RSF1: variants seen among roughly 807,000 people sequenced by gnomAD.
RSF1 encodes HBV pX-associated protein 8.
A neutral mutation model predicts 145.2 loss-of-function variants in RSF1; 13 were observed. That is an observed-to-expected ratio of 0.09 (90% CI 0.06 to 0.14). RSF1 has a LOEUF of 0.14. Ranked by LOEUF, RSF1 falls within the 10% of genes least tolerant of loss-of-function variation. The pLI is 1.00. For missense variants in RSF1, 1,517 were observed against 1,718.2 expected (o/e 0.88, Z 2.07); for synonymous variants, 577 against 592.6 (o/e 0.97, Z 0.38).
chr11:77,787,184 CA>C (rs1188397950), intron 1 of RSF1, among the ~76,000 whole-genome samples: 1 of 152,098 alleles, frequency 6.6e-6, no homozygotes, highest in Non-Finnish European at 1.5e-5. Flanking sequence ...AAGGGAATAG[CA>C]CCCAACACCC....
intron 7 of RSF1, 78 bp downstream of exon 7, chr11:77,698,409 C>A: frequency 1.7e-6 from 2 of 1,147,574 alleles, no homozygotes; most frequent in Admixed American, 1.8e-5. Context: ...AATGATAAAA[C>A]CCAGAAGAGT....
At chr11:77,709,859 T>C (rs1960637750) in intron 5 of RSF1, among the ~76,000 whole-genome samples, 2 of 152,068 alleles carry the variant, frequency 1.3e-5, no homozygotes, top group South Asian at 4.2e-4. Context: ...GCAAGAGTCA[T>C]CACGCCAGGC....
chr11:77,832,799 C>T, the RSF1 span, among the ~76,000 whole-genome samples: 1 of 151,482 alleles, frequency 6.6e-6, no homozygotes, highest in Non-Finnish European at 1.5e-5. Context: ...AAGAAGAATT[C>T]AGTCCATTTG....
At chr11:77,672,318 AG>A in intron 14 of RSF1, 88 bp from the exon 15 acceptor site, 2 of 1,028,610 alleles carry the variant, frequency 1.9e-6, no homozygotes, top group Non-Finnish European at 2.8e-6. Flanking sequence ...GCTACCAAGC[AG>A]AGTTCAGTCA....
the RSF1 span, among the ~76,000 whole-genome samples, chr11:77,853,448 C>T: frequency 6.6e-6 from 1 of 151,974 alleles, no homozygotes; most frequent in South Asian, 2.1e-4. Flanking sequence ...TACTTTTAAA[C>T]AACCAGAACT....
In RSF1 at chr11:77,701,293, CTTT is replaced by C. The variant is rs1249799674; in HGVS notation, c.1933_1935del (p.Lys645del). 3.1e-6 allele frequency: 5 copies of C among 1,614,070 alleles called. No individual in the cohort carries two copies. The highest frequency in any genetic ancestry group is 4.2e-6 in the Non-Finnish European group (5 of 1,180,014). On this transcript the variant is annotated inframe_deletion, in exon 6 of 16. Transcript: ENST00000308488. ...CTTGTACTCTGGCATTCTACCACTTCTTTTTCTGAGGCTAGTTTCTCACAGTGG... is the reference window on the plus strand; with the variant it reads ...CTTGTACTCTGGCATTCTACCACTTCTTCTGAGGCTAGTTTCTCACAGTGG...
intron 5 of RSF1, among the ~76,000 whole-genome samples, chr11:77,708,523 C>G (rs979731672): frequency 6.6e-6 from 1 of 152,152 alleles, no homozygotes; most frequent in Admixed American, 6.5e-5. Context: ...ATCCTCTAGC[C>G]CACTCAGAAA....
the RSF1 span, among the ~76,000 whole-genome samples, chr11:77,836,589 A>C: frequency 6.6e-5 from 10 of 152,224 alleles, no homozygotes; most frequent in African/African-American, 2.4e-4. Context: ...AAGCCCTATC[A>C]GACTAATAAA....
chr11:77,811,617 C>A (rs537719337), intron 1 of RSF1, among the ~76,000 whole-genome samples: 6 of 152,250 alleles, frequency 3.9e-5, no homozygotes, highest in Middle Eastern at 3.4e-3. Context: ...ATATTCGACT[C>A]AGAGGCAGGA....
intron 1 of RSF1, among the ~76,000 whole-genome samples, chr11:77,772,848 G>GAAAAAAA (rs1161762028): frequency 1.2e-5 from 1 of 85,192 alleles, no homozygotes; most frequent in Non-Finnish European, 2.2e-5. Flanking sequence ...GCCCAAGATG[G>GAAAAAAA]AAAAAAAAAA....
intron 4 of RSF1, 135 bp downstream of exon 4, chr11:77,740,596 T>G (rs1160468299): frequency 1.5e-6 from 1 of 684,736 alleles, no homozygotes; most frequent in East Asian, 2.6e-5. Context: ...CGCTGGATAC[T>G]AGGTGAGGCC....
rs1590817928 is a variant in RSF1 at position 77,666,788 on chromosome 11, T to C, written c.*129A>G. 5 of 650,646 alleles carry C rather than the reference T, an allele frequency of 7.7e-6. No individual in the cohort carries two copies. The highest frequency in any genetic ancestry group is 1.2e-5 in the Non-Finnish European group (5 of 411,510). The allele number at this position is 650,646 out of a possible 1,614,324, so 40.3% of individuals were successfully genotyped here. ...CTTCACAGAAAGACTTCAGGATTTG[T>C]TGAAATTTTTCTTCTAAAAGTCATT... On this transcript the variant is annotated 3_prime_UTR_variant, in exon 16 of 16. Transcript: ENST00000308488.
At chr11:77,850,523 C>T in the RSF1 span, 1 of 151,740 alleles carries the variant, frequency 6.6e-6, no homozygotes, top group Non-Finnish European at 1.5e-5. Flanking sequence ...TTTTGTTAGA[C>T]TGAAAGGGGT....
At chr11:77,688,243 G>A (rs1003748982) in intron 9 of RSF1, among the ~76,000 whole-genome samples, 5 of 152,168 alleles carry the variant, frequency 3.3e-5, no homozygotes, top group African/African-American at 1.2e-4. Flanking sequence ...AGTGAGCTGA[G>A]ACCCTGCCAC....
In RSF1 at chr11:77,702,485, T is replaced by C. The variant is rs773776998; in HGVS notation, c.744A>G (p.Lys248=). Residue 248 remains lysine, a synonymous_variant, in exon 6 of 16, where the codon AAA becomes AAG. Coordinates refer to ENST00000308488, the MANE Select transcript of RSF1 (RefSeq NM_016578.4). ...CCTCACTTTTCATCTTTTCACTTTC[T>C]TTCTGTTCCTCTAAAAATCAGAAAA... The part of the protein sequence containing the change: ...EEETPKQEEQ[K]ESEKMKSEEQ... 7.2e-6 allele frequency: 11 copies of C among 1,537,936 alleles called. No homozygotes were observed. Among genetic ancestry groups the C allele is most frequent in the Non-Finnish European group, 9.5e-6 (11 of 1,153,164 alleles).
At chr11:77,821,547 G>A (rs1242942495), upstream of RSF1, among the ~76,000 whole-genome samples, 1 of 152,152 alleles carries the variant, frequency 6.6e-6, no homozygotes, top group Non-Finnish European at 1.5e-5. Context: ...TTGGGGCCCT[G>A]CTGGGAGAAG....
At chr11:77,697,867 T>C (rs1960320656) in intron 7 of RSF1, among the ~76,000 whole-genome samples, 2 of 152,246 alleles carry the variant, frequency 1.3e-5, no homozygotes, top group African/African-American at 2.4e-5. Flanking sequence ...GCCACTCTTT[T>C]GCCATTAAAA....
At position 77,676,964 on chromosome 11, in the gene RSF1, C is replaced by A. The variant is rs992887593; in HGVS notation, c.3169G>T (p.Gly1057Cys). ...GRGKDISTIT[G>C]HRGKDISTIL... ...GTAGAGATGTCTTTCCCACGATGAC[C>A]TGTGATGGTGGAGATATCTTTTCCT... Residue 1057 changes from glycine (G) to cysteine (C), a missense_variant, in exon 13 of 16, where the codon GGT becomes TGT. Transcript: ENST00000308488. 2.5e-6 allele frequency: 4 copies of A among 1,613,086 alleles called. No homozygotes were observed. The highest frequency in any genetic ancestry group is 1.7e-5 in the Admixed American group (1 of 59,940).
intron 5 of RSF1, among the ~76,000 whole-genome samples, chr11:77,713,783 T>A (rs921181531): frequency 6.6e-6 from 1 of 152,224 alleles, no homozygotes; most frequent in African/African-American, 2.4e-5. Context: ...TTTATCTTAA[T>A]CTTTTTAAAA....
Sources: gnomAD v4.1 joint callset for allele counts (sites outside exome capture counted in the v4.1 genomes callset) on GRCh38, gnomAD v4.1.1 for gene constraint, MANE v1.5 for transcripts, NCBI Gene and HGNC (gene_info 2026-07-23, HGNC 2026-07-21) for gene names.